Variants in HOGA1 observed in about 807,000 individuals in gnomAD.
HOGA1 encodes 4-hydroxy-2-oxoglutarate aldolase 1, also known as 4-hydroxy-2-oxoglutarate aldolase, mitochondrial.
Under a neutral mutation model 34.3 loss-of-function variants are expected in HOGA1, and 30 were observed. That is an observed-to-expected ratio of 0.87 (90% confidence interval 0.65 to 1.19). HOGA1 has a LOEUF of 1.19. Among genes scored for constraint, HOGA1 ranks in the 50% most tolerant of loss-of-function variants. The probability of loss-of-function intolerance (pLI) is 0.00; values close to 1 mark genes in which losing one functional copy is unlikely to be tolerated. For missense variants in HOGA1, 417 were observed against 436.5 expected (o/e 0.96, Z 0.40); for synonymous variants, 161 against 174.0 (o/e 0.93, Z 0.59).
intron 3 of HOGA1, 40 bp from the exon 4 acceptor site, chr10:97,599,640 G>A (rs374147171): frequency 8.1e-6 from 13 of 1,612,158 alleles, no homozygotes; most frequent in Admixed American, 6.7e-5. Context: ...GACCTGGGGC[G>A]GCTGCCCTCT....
intron 5 of HOGA1, among the ~76,000 whole-genome samples, chr10:97,601,385 G>A (rs909392485): frequency 6.6e-6 from 1 of 152,132 alleles, no homozygotes; most frequent in Admixed American, 6.5e-5. Flanking sequence ...CTGGTGACCT[G>A]ACTCTGTCCA....
chr10:97,585,162 A>G (rs2040958615), intron 1 of HOGA1, among the ~76,000 whole-genome samples: 1 of 152,218 alleles, frequency 6.6e-6, no homozygotes, highest in South Asian at 2.1e-4. Context: ...AAACTGTTAA[A>G]GTGCCTTTGT....
rs777601935 is a variant in HOGA1 at position 97,599,740 on chromosome 10, G to T, written c.529G>T (p.Asp177Tyr). Residue 177 changes from aspartate (D) to tyrosine (Y), a missense_variant, in exon 4 of 7, where the codon GAC (aspartate) becomes TAC (tyrosine). Asp to Tyr is a radical substitution (Grantham distance 160). Coordinates refer to ENST00000370646, the MANE Select transcript of HOGA1 (RefSeq NM_138413.4). ...CAGTGTCCCAGCCAACACAGGGCTG[G>T]ACCTGCCTGTGGATGCAGTGGTCAC... Reference protein sequence around the residue: ...LYSVPANTGLDLPVDAVVTLS... With the variant: ...LYSVPANTGLYLPVDAVVTLS... The T allele has an allele frequency of 5.6e-6, 9 of 1,614,058 alleles. No individual in the cohort carries two copies. The highest frequency in any genetic ancestry group is 4.2e-6 in the Non-Finnish European group (5 of 1,180,036).
chr10:97,590,844 AC>A (rs2041016372), intron 1 of HOGA1: 9 of 525,736 alleles, frequency 1.7e-5, no homozygotes, highest in Admixed American at 1.0e-4. Context: ...GCCCCTGAAG[AC>A]CCACCAAGAG....
At chr10:97,602,019 T>A in intron 6 of HOGA1, 29 bp downstream of exon 6, 1 of 1,592,594 alleles carries the variant, frequency 6.3e-7, no homozygotes, top group Non-Finnish European at 8.5e-7. Flanking sequence ...GGGCGCGGCC[T>A]GGCGGGGGGT....
chr10:97,601,968 G>A lies in HOGA1; in HGVS notation c.812G>A (p.Arg271His), dbSNP rs750974539. The A allele has an allele frequency of 1.2e-5, 19 of 1,612,406 alleles. No individual in the cohort carries two copies. Among genetic ancestry groups the A allele is most frequent in the South Asian group, 7.7e-5 (7 of 90,676 alleles). ...QWEDAQKLQH[R>H]LIEPNAAVTR... ...GAAGATGCCCAGAAACTGCAGCACC[G>A]CCTCATTGAGCCAAACGCTGCGGTG... Residue 271 changes from arginine to histidine, a missense_variant, in exon 6 of 7, where the codon CGC becomes CAC. Physicochemically the swap from Arg to His is conservative, Grantham distance 29 (BLOSUM62 0). Coordinates refer to ENST00000370646, the MANE Select transcript of HOGA1 (RefSeq NM_138413.4).
chr10:97,601,731 G>C (rs909032225), intron 5 of HOGA1, 126 bp from the exon 6 acceptor site: 1 of 1,127,896 alleles, frequency 8.9e-7, no homozygotes, highest in East Asian at 2.4e-5. Context: ...TGCCTTTGAT[G>C]TAGCCAGCCA....
At chr10:97,585,063 A>G in intron 1 of HOGA1, 149 bp downstream of exon 1, 1 of 688,048 alleles carries the variant, frequency 1.5e-6, no homozygotes, top group Non-Finnish European at 2.5e-6. Context: ...AACAGGGGAG[A>G]CTGGTCTGGA....
intron 1 of HOGA1, among the ~76,000 whole-genome samples, chr10:97,586,696 G>C (rs2040973807): frequency 6.6e-6 from 1 of 152,156 alleles, no homozygotes; most frequent in African/African-American, 2.4e-5. Context: ...AATCCACAGA[G>C]ACCCCCAGAC....
In HOGA1 at chr10:97,611,920, T is replaced by A. The variant is rs2041199387; in HGVS notation, c.*261T>A. The A allele has an allele frequency of 1.9e-6, 1 of 531,366 alleles. No homozygotes were observed. Among genetic ancestry groups the A allele is most frequent in the African/African-American group, 1.9e-5 (1 of 52,852 alleles). 32.9% of individuals were successfully genotyped at this position (531,366 alleles called of 1,614,324 possible). A position where few individuals can be genotyped will look rare whatever the true frequency, so the allele number is the denominator to read the frequency against. The stretch of plus-strand genomic sequence containing the variant: ...GACTGGGAAGGAGCAATTTCTCAAT[T>A]TATCTTTCTACTGTGGATGCTTTCC... On this transcript the variant is annotated 3_prime_UTR_variant, in exon 7 of 7. Transcript: ENST00000370646.
chr10:97,588,195 C>CTTTTTTTTTTTTTTTTTTTTTTTTTT (rs1164946936), intron 1 of HOGA1, among the ~76,000 whole-genome samples: 2 of 131,346 alleles, frequency 1.5e-5, no homozygotes, highest in African/African-American at 2.7e-5. Context: ...TTTGTTTTTT[C>CTTTTTTTTTTTTTTTTTTTTTTTTTT]TTTCTTTTTT....
At position 97,599,775 on chromosome 10, in the gene HOGA1, G is replaced by A; in HGVS notation, c.564G>A (p.Gln188=). 1 of 1,614,198 alleles carries A rather than the reference G, an allele frequency of 6.2e-7. No homozygotes were observed. The highest frequency in any genetic ancestry group is 8.5e-7 in the Non-Finnish European group (1 of 1,180,036). ...TGGATGCAGTGGTCACGCTTTCCCA[G>A]CACCCGAATATTGTGGGCATGAAGG... is the stretch of plus-strand genomic sequence containing the variant. ...LPVDAVVTLS[Q]HPNIVGMKDS... The change falls in exon 4 of 7, where the codon CAG becomes CAA. Residue 188 remains glutamine (Q), a synonymous_variant. Transcript: ENST00000370646.
chr10:97,605,992 C>G lies in HOGA1; in HGVS notation c.834+4002C>G, dbSNP rs111670929. 5.5e-4 allele frequency among the ~76,000 whole-genome samples: 84 copies of G among 151,994 alleles called. 2 individuals carry two copies. The highest frequency in any genetic ancestry group is 1.5e-3 in the African/African-American group (61 of 41,470). On this transcript the variant is annotated intron_variant, in intron 6 of 6. Coordinates refer to ENST00000370646, the MANE Select transcript of HOGA1 (RefSeq NM_138413.4). ...ATGCTTTTGGTGTCAAGTCTAATAA[C>G]TCTTAAAGAGTTCTGGGCATGGTGG...
chr10:97,589,606 G>A, intron 1 of HOGA1: 1 of 401,066 alleles, frequency 2.5e-6, no homozygotes, highest in Non-Finnish European at 4.5e-6. Flanking sequence ...GGATGCTGCG[G>A]CCTCTCCCCA....
chr10:97,602,428 G>T (rs1337171539), intron 6 of HOGA1: 3 of 985,238 alleles, frequency 3.0e-6, no homozygotes, highest in East Asian at 1.1e-4. Context: ...TAGAAGGCAG[G>T]AGAGTGTTGT....
chr10:97,588,195 C>CTTTTTTTT (rs1164946936), intron 1 of HOGA1, among the ~76,000 whole-genome samples: 1 of 131,346 alleles, frequency 7.6e-6, no homozygotes, highest in Admixed American at 7.8e-5. Flanking sequence ...TTTGTTTTTT[C>CTTTTTTTT]TTTCTTTTTT....
At chr10:97,605,410 C>CA (rs71007355) in intron 6 of HOGA1, among the ~76,000 whole-genome samples, 90,437 of 142,056 alleles carry the variant, frequency 0.64, 30,167 homozygotes, top group Non-Finnish European at 0.77. Flanking sequence ...GATCCTGTCT[C>CA]AAAAAAAAAA....
intron 6 of HOGA1, among the ~76,000 whole-genome samples, chr10:97,604,925 G>A (rs1027063325): frequency 6.6e-6 from 1 of 152,166 alleles, no homozygotes; most frequent in Non-Finnish European, 1.5e-5. Context: ...AGGTTGCAGC[G>A]AGCCAAGATT....
chr10:97,595,841 C>G (rs1484183146), intron 1 of HOGA1, among the ~76,000 whole-genome samples: 9 of 152,222 alleles, frequency 5.9e-5, no homozygotes, highest in Admixed American at 5.9e-4. Context: ...TCCCCAGTCC[C>G]TGCTTCATTG....
Sources: allele counts gnomAD v4.1 joint callset (sites outside exome capture counted in the v4.1 genomes callset), GRCh38; gene constraint gnomAD v4.1.1; transcripts MANE v1.5; gene names NCBI Gene and HGNC (gene_info 2026-07-23, HGNC 2026-07-21).